SHANK2: variants seen among roughly 807,000 people sequenced by gnomAD.
SHANK2 encodes the protein SH3 and multiple ankyrin repeat domains protein 2.
SHANK2 carries 43 observed loss-of-function variants against 133.7 expected under a neutral mutation model. The ratio of observed to expected loss-of-function variants is 0.32; its 90% CI spans 0.25 to 0.41. The LOEUF (loss-of-function observed/expected upper bound fraction) is 0.41. SHANK2 is among the 10% of genes least tolerant of loss of function. SHANK2 has a pLI of 1.00. For missense variants in SHANK2, 1,994 were observed against 2,235.8 expected (o/e 0.89, Z 2.18); for synonymous variants, 1,017 against 952.8 (o/e 1.07, Z -1.24).
At chr11:70,945,325 GA>G (rs1190523186) in intron 10 of SHANK2, among the ~76,000 whole-genome samples, 1 of 152,164 alleles carries the variant, frequency 6.6e-6, no homozygotes, top group Admixed American at 6.5e-5. Flanking sequence ...GGAGGCCTGG[GA>G]GGCTTGAGCA....
intron 17 of SHANK2, among the ~76,000 whole-genome samples, chr11:70,541,643 C>T (rs2059622656): frequency 6.6e-6 from 1 of 152,232 alleles, no homozygotes; most frequent in Admixed American, 6.5e-5. Flanking sequence ...TGGCCTAAGG[C>T]AGTGGTTTTC....
At chr11:70,831,429 T>C (rs141880841) in intron 11 of SHANK2, among the ~76,000 whole-genome samples, 1 of 151,948 alleles carries the variant, frequency 6.6e-6, no homozygotes, top group Non-Finnish European at 1.5e-5. Flanking sequence ...CCAACTCAGC[T>C]CCACTCAGCC....
At position 70,472,762 on chromosome 11, in the gene SHANK2, T is replaced by A. The variant is rs1555148906; in HGVS notation, c.*107A>T. ...CTTTGGGTACCAGGAGACAAACCCA[T>A]GGAGTGGGGTTGATGCTCACAGACT... On this transcript the variant is annotated 3_prime_UTR_variant, in exon 26 of 26. Coordinates refer to ENST00000601538, the MANE Select transcript of SHANK2 (RefSeq NM_012309.5). The surrounding 1 kb of genome is among the most constrained non-coding windows in gnomAD (Gnocchi z 4.4). 2 of 1,104,338 alleles carry A rather than the reference T, an allele frequency of 1.8e-6. No individual in the cohort carries two copies. Among genetic ancestry groups the A allele is most frequent in the African/African-American group, 3.1e-5 (2 of 64,968 alleles). The allele number at this position is 1,104,338 out of a possible 1,614,324, so 68.4% of individuals were successfully genotyped here.
At chr11:71,145,091 G>T (rs751686190) in intron 3 of SHANK2, among the ~76,000 whole-genome samples, 1 of 152,160 alleles carries the variant, frequency 6.6e-6, no homozygotes, top group Admixed American at 6.5e-5. Flanking sequence ...AACTCCAAAA[G>T]ACCACGCCTA....
intron 14 of SHANK2, among the ~76,000 whole-genome samples, chr11:70,795,416 T>TA (rs1246707742): frequency 2.0e-5 from 3 of 148,652 alleles, no homozygotes; most frequent in Admixed American, 6.7e-5. Flanking sequence ...TCTTTTTTTT[T>TA]TTTTTTTGAG....
At chr11:70,682,498 T>C (rs1242676477) in intron 15 of SHANK2, among the ~76,000 whole-genome samples, 2 of 152,186 alleles carry the variant, frequency 1.3e-5, no homozygotes, top group African/African-American at 4.8e-5. Flanking sequence ...TAAATAAGGC[T>C]GGTGGGCACA....
At chr11:70,880,897 G>A (rs1251591859) in intron 11 of SHANK2, among the ~76,000 whole-genome samples, 1 of 152,226 alleles carries the variant, frequency 6.6e-6, no homozygotes, top group Non-Finnish European at 1.5e-5. Context: ...ATTTCTCGCT[G>A]GGTCTGTGAG....
At chr11:70,538,194 G>A (rs868918394) in intron 17 of SHANK2, among the ~76,000 whole-genome samples, 4 of 152,184 alleles carry the variant, frequency 2.6e-5, no homozygotes, top group Admixed American at 6.5e-5. Flanking sequence ...CACCCCACCC[G>A]GGGGCTCCTG....
At chr11:71,167,765 T>C (rs1284914118) in intron 2 of SHANK2, among the ~76,000 whole-genome samples, 1 of 130,216 alleles carries the variant, frequency 7.7e-6, no homozygotes, top group African/African-American at 3.0e-5. Flanking sequence ...GTCCCTCACC[T>C]CCCGGACGGG....
At chr11:70,662,394 A>G (rs1555013732) in intron 15 of SHANK2, among the ~76,000 whole-genome samples, 2 of 152,146 alleles carry the variant, frequency 1.3e-5, no homozygotes, top group African/African-American at 4.8e-5. Flanking sequence ...CCGCGCGAGC[A>G]TCCGCAGGCT....
At chr11:70,867,805 C>T (rs899915494) in intron 11 of SHANK2, among the ~76,000 whole-genome samples, 3 of 152,340 alleles carry the variant, frequency 2.0e-5, no homozygotes, top group African/African-American at 4.8e-5. Context: ...AGCATTTCAG[C>T]GTTCAGCACA....
intron 14 of SHANK2, among the ~76,000 whole-genome samples, chr11:70,793,450 T>C (rs1947839129): frequency 6.6e-6 from 1 of 152,090 alleles, no homozygotes; most frequent in African/African-American, 2.4e-5. Context: ...GCAGCATATA[T>C]TTGACAAAGG....
At chr11:70,560,543 G>GT (rs59575275) in intron 17 of SHANK2, among the ~76,000 whole-genome samples, 145,416 of 145,422 alleles carry the variant, frequency 1, 72,705 homozygotes, top group Non-Finnish European at 1. Context: ...TAAAATTCAT[G>GT]GGAAATGCAA....
chr11:71,197,010 A>AAAAAC (rs1953918579), intron 2 of SHANK2, among the ~76,000 whole-genome samples: 1 of 150,324 alleles, frequency 6.7e-6, no homozygotes, highest in African/African-American at 2.5e-5. Flanking sequence ...AAAAAAAAAA[A>AAAAAC]AAAAAAAAAC....
At chr11:70,707,803 A>G (rs1555025279) in intron 14 of SHANK2, among the ~76,000 whole-genome samples, 8 of 152,122 alleles carry the variant, frequency 5.3e-5, no homozygotes. Context: ...CTGGTCTACA[A>G]GTCTCTCTGA....
chr11:71,068,891 TCACCAC>T (rs1232957754), intron 9 of SHANK2, among the ~76,000 whole-genome samples: 1 of 150,742 alleles, frequency 6.6e-6, no homozygotes, highest in South Asian at 2.1e-4. Flanking sequence ...ACCATCACCA[TCACCAC>T]CACCATCATC....
In SHANK2 at chr11:70,868,175, C is replaced by T. The variant is rs186073503; in HGVS notation, c.1174+28326G>A. On this transcript the variant is annotated intron_variant, in intron 11 of 25. Coordinates refer to ENST00000601538, the MANE Select transcript of SHANK2 (RefSeq NM_012309.5). ...TTTTCTCGAGGAAGACTCCCTCGTTCTCACTTTCAATGGCTTGGCCCAGAG... is the reference window on the plus strand; with the variant it reads ...TTTTCTCGAGGAAGACTCCCTCGTTTTCACTTTCAATGGCTTGGCCCAGAG... Among the ~76,000 whole-genome samples the T allele has an allele frequency of 5.4e-4, 82 of 152,346 alleles. 1 individual carries two copies. The South Asian group carries it at 0.012, about 22-fold the overall frequency.
At chr11:70,574,192 CCTG>C (rs1814109618) in intron 17 of SHANK2, among the ~76,000 whole-genome samples, 1 of 152,262 alleles carries the variant, frequency 6.6e-6, no homozygotes, top group South Asian at 2.1e-4. Context: ...CTCAGTTTAC[CCTG>C]CTGATCAATC....
chr11:71,207,423 G>T (rs782809512), intron 2 of SHANK2, among the ~76,000 whole-genome samples: 4 of 152,072 alleles, frequency 2.6e-5, no homozygotes, highest in African/African-American at 9.7e-5. Context: ...CAGGTGATCC[G>T]TGCGCCTTGG....
Sources: allele counts gnomAD v4.1 joint callset (sites outside exome capture counted in the v4.1 genomes callset), GRCh38; gene constraint gnomAD v4.1.1; non-coding constraint Gnocchi (gnomAD v3.1); transcripts MANE v1.5; gene names NCBI Gene and HGNC (gene_info 2026-07-23, HGNC 2026-07-21).